The following STN1 variants were observed in gnomAD, a reference collection of about 807,000 sequenced individuals.
STN1 encodes CST complex subunit STN1.
In STN1, 29 loss-of-function variants were observed where a neutral mutation model predicts 45.5. The observed-to-expected ratio is 0.64, with a 90% CI of 0.47 to 0.87. The LOEUF (loss-of-function observed/expected upper bound fraction) is 0.87. Among genes scored for constraint, STN1 ranks in the 40% least tolerant of loss-of-function variants. The probability of loss-of-function intolerance (pLI) is 0.00; values close to 1 mark genes in which losing one functional copy is unlikely to be tolerated. For missense variants in STN1, 376 were observed against 441.4 expected, an observed-to-expected ratio of 0.85 and a Z score of 1.33; for synonymous variants, 148 against 159.0, an observed-to-expected ratio of 0.93 and a Z score of 0.52.
In STN1 at chr10:103,892,163, G is replaced by C; in HGVS notation, c.843C>G (p.Phe281Leu). 6.2e-7 allele frequency: 1 copy of C among 1,611,994 alleles called. No individual in the cohort carries two copies. The highest frequency in any genetic ancestry group is 8.5e-7 in the Non-Finnish European group (1 of 1,179,414). ...GGTTATCAAAACCATCATCTTTCTG[G>C]AAAACAAGTCCTTTTTCCTGCAGCA... ...IQLLQEKGLV[F>L]QKDDGFDNLY... The change falls in exon 8 of 10, where the codon TTC becomes TTG. Residue 281 changes from phenylalanine (F) to leucine (L), a missense_variant. Coordinates refer to ENST00000224950, the MANE Select transcript of STN1 (RefSeq NM_024928.5).
chr10:103,898,720 A>G (rs940503607), intron 6 of STN1, among the ~76,000 whole-genome samples, 157 bp downstream of exon 6: 8 of 152,202 alleles, frequency 5.3e-5, no homozygotes, highest in Non-Finnish European at 7.3e-5. Flanking sequence ...AGTTGAGGAA[A>G]TTGAAGCATA....
At position 103,882,821 on chromosome 10, in the gene STN1, A is replaced by T. The variant is rs202001347; in HGVS notation, c.970T>A (p.Phe324Ile). 5.0e-6 allele frequency: 8 copies of T among 1,613,252 alleles called. No homozygotes were observed. In the Admixed American group the frequency reaches 1.2e-4, roughly 24 times the overall value. The change falls in exon 10 of 10, where the codon TTC (phenylalanine) becomes ATC (isoleucine). Residue 324 changes from phenylalanine to isoleucine, a missense_variant. Physicochemically the swap from Phe to Ile is conservative, Grantham distance 21. Coordinates refer to ENST00000224950, the MANE Select transcript of STN1 (RefSeq NM_024928.5). Reference sequence around the variant, plus strand: ...CGAGCACAGGCCAAGATGTGCAGGAAGTGACAGCCCTTCTCCATGTCTGCA... The same window carrying T: ...CGAGCACAGGCCAAGATGTGCAGGATGTGACAGCCCTTCTCCATGTCTGCA... Reference protein sequence around the residue: ...KPNHMEKGCHFLHILACARLS... With the variant: ...KPNHMEKGCHILHILACARLS...
intron 6 of STN1, 48 bp from the exon 7 acceptor site, chr10:103,897,767 G>C (rs1167764575): frequency 5.0e-6 from 8 of 1,593,752 alleles, no homozygotes; most frequent in Non-Finnish European, 6.8e-6. Flanking sequence ...CATCACCTTT[G>C]TTCCTTTTTG....
chr10:103,915,184 G>A (rs943270663), intron 2 of STN1, among the ~76,000 whole-genome samples: 1 of 152,158 alleles, frequency 6.6e-6, no homozygotes, highest in Non-Finnish European at 1.5e-5. Context: ...ATCAACTAGG[G>A]AAGCTCATCT....
rs531653914 is a variant in STN1 at position 103,880,242 on chromosome 10, G to A, written c.*2442C>T. On this transcript the variant is annotated 3_prime_UTR_variant, in exon 10 of 10. Coordinates refer to ENST00000224950, the MANE Select transcript of STN1 (RefSeq NM_024928.5). ...AGGCAGGAAAGTCCCCTTAATATGG[G>A]GGAGTCTGGGTCTTTTTATGGGCTC... Among the ~76,000 whole-genome samples the A allele has an allele frequency of 3.3e-5, 5 of 152,244 alleles. No homozygotes were observed. Among genetic ancestry groups the A allele is most frequent in the Non-Finnish European group, 5.9e-5 (4 of 68,042 alleles).
rs111655573 is a variant in STN1, at chr10:103,900,085, C to T, written c.434G>A (p.Arg145Gln). ...ACAGTAAGTGGTGGCATGAATCTCT[C>T]GCTCTTCTCTGTATGTGCGGATACT... ...RGSIRTYREE[R>Q]EIHATTYYKV... The change falls in exon 5 of 10, where the codon CGA becomes CAA. Residue 145 changes from arginine (R) to glutamine (Q), a missense_variant. Transcript: ENST00000224950. The T allele has an allele frequency of 9.3e-6, 15 of 1,613,950 alleles. 1 individual carries two copies. The African/African-American group carries it at 1.1e-4, about 11-fold the overall frequency.
At chr10:103,914,374 A>ATATATTTTTT (rs1554837551) in intron 2 of STN1, among the ~76,000 whole-genome samples, 2 of 97,416 alleles carry the variant, frequency 2.1e-5, no homozygotes, top group African/African-American at 9.8e-5. Context: ...ATATATATAT[A>ATATATTTTTT]TTTTTTTTTT....
At chr10:103,895,048 A>T (rs1023404318) in intron 7 of STN1, among the ~76,000 whole-genome samples, 6 of 152,226 alleles carry the variant, frequency 3.9e-5, no homozygotes, top group African/African-American at 1.4e-4. Context: ...TTTCAGTCTC[A>T]TTGTAAAGCA....
At chr10:103,892,403 G>T in intron 7 of STN1, 151 bp from the exon 8 acceptor site, 1 of 649,092 alleles carries the variant, frequency 1.5e-6, no homozygotes, top group Non-Finnish European at 2.5e-6. Context: ...GGCCTAGCAG[G>T]ATGGTATTTA....
chr10:103,905,246 T>C, intron 3 of STN1, 90 bp from the exon 4 acceptor site: 1 of 1,146,476 alleles, frequency 8.7e-7, no homozygotes, highest in Admixed American at 1.7e-5. Context: ...TACTGAAAGA[T>C]GACCTCTTTC....
intron 2 of STN1, among the ~76,000 whole-genome samples, chr10:103,912,504 T>G (rs1027236699): frequency 4.6e-5 from 7 of 152,228 alleles, no homozygotes; most frequent in Admixed American, 1.3e-4. Context: ...GAGATCCCTG[T>G]GTCCTGTGTA....
intron 9 of STN1, among the ~76,000 whole-genome samples, chr10:103,885,934 A>G (rs371452502): frequency 6.6e-6 from 1 of 152,240 alleles, no homozygotes; most frequent in East Asian, 1.9e-4. Context: ...CCTGATTCAT[A>G]CTATACCCCA....
chr10:103,904,186 T>C lies in STN1; in HGVS notation c.295+905A>G, dbSNP rs114405393. ...GGCAGTGTTTACTGAATAACCCCACTGTGTATGGCACTATACTGTATATGT... is the reference window on the plus strand; with the variant it reads ...GGCAGTGTTTACTGAATAACCCCACCGTGTATGGCACTATACTGTATATGT... On this transcript the variant is annotated intron_variant, in intron 4 of 9. Transcript: ENST00000224950. Among the ~76,000 whole-genome samples the C allele has an allele frequency of 4.2e-3, 636 of 152,222 alleles. 6 individuals carry two copies. Among genetic ancestry groups the C allele is most frequent in the African/African-American group, 0.014 (582 of 41,528 alleles).
intron 4 of STN1, among the ~76,000 whole-genome samples, chr10:103,904,399 T>C (rs2134369862): frequency 6.6e-6 from 1 of 152,186 alleles, no homozygotes; most frequent in South Asian, 2.1e-4. Flanking sequence ...GAGGATCACT[T>C]GTGTCCAGGA....
At chr10:103,903,251 A>G (rs1334392804) in intron 4 of STN1, among the ~76,000 whole-genome samples, 4 of 152,242 alleles carry the variant, frequency 2.6e-5, no homozygotes, top group Non-Finnish European at 5.9e-5. Context: ...GTGCACAAAC[A>G]GAAAATATGG....
chr10:103,898,862 T>C lies in STN1; in HGVS notation c.581+15A>G. 6.2e-7 allele frequency: 1 copy of C among 1,613,456 alleles called. No individual in the cohort carries two copies. The highest frequency in any genetic ancestry group is 8.5e-7 in the Non-Finnish European group (1 of 1,179,858). ...GCCGTGGTCACGTGCTCAGCAGTGA[T>C]AAGTCACCACTTACCTTAGTGCCTC... On this transcript the variant is annotated intron_variant, in intron 6 of 9. Transcript: ENST00000224950.
intron 2 of STN1, among the ~76,000 whole-genome samples, chr10:103,913,207 AATG>A (rs1352331842): frequency 6.6e-6 from 1 of 152,260 alleles, no homozygotes; most frequent in Non-Finnish European, 1.5e-5. Flanking sequence ...GGCACAAACC[AATG>A]AAGTACTCAA....
intron 2 of STN1, among the ~76,000 whole-genome samples, chr10:103,911,162 T>C (rs1379820479): frequency 6.6e-6 from 1 of 152,134 alleles, no homozygotes; most frequent in East Asian, 1.9e-4. Flanking sequence ...ACTTCTCTTT[T>C]TAAAACTCTG....
At chr10:103,913,921 G>C (rs563754777) in intron 2 of STN1, among the ~76,000 whole-genome samples, 3 of 152,022 alleles carry the variant, frequency 2.0e-5, no homozygotes, top group Non-Finnish European at 4.4e-5. Context: ...AAGGAGGAGG[G>C]TCAAGCTATA....
Sources: gnomAD v4.1 joint callset for allele counts (sites outside exome capture counted in the v4.1 genomes callset) on GRCh38, gnomAD v4.1.1 for gene constraint, MANE v1.5 for transcripts, NCBI Gene and HGNC (gene_info 2026-07-23, HGNC 2026-07-21) for gene names.